The following AGBL4 variants were observed in gnomAD, a reference collection of about 807,000 sequenced individuals.
The protein encoded by AGBL4 is AGBL carboxypeptidase 4.
A neutral mutation model predicts 66.4 loss-of-function variants in AGBL4; 58 were observed. The ratio of observed to expected loss-of-function variants is 0.87; its 90% confidence interval spans 0.71 to 1.09. The LOEUF is 1.09. Ranked by LOEUF, AGBL4 falls within the 50% of genes least tolerant of loss-of-function variation. The pLI is 0.00. For missense variants in AGBL4, 579 were observed against 631.0 expected (o/e 0.92, Z 0.88); for synonymous variants, 234 against 222.9 (o/e 1.05, Z -0.44).
intron 3 of AGBL4, among the ~76,000 whole-genome samples, chr1:49,530,274 A>AAAAAAAAAAAAAC (rs1553221141): frequency 7.4e-6 from 1 of 134,824 alleles, no homozygotes; most frequent in African/African-American, 3.2e-5. Flanking sequence ...AAAAAAAAAC[A>AAAAAAAAAAAAAC]AAAAAAAACT....
intron 2 of AGBL4, among the ~76,000 whole-genome samples, chr1:49,740,554 T>G (rs1445830589): frequency 1.3e-5 from 2 of 152,178 alleles, no homozygotes; most frequent in African/African-American, 4.8e-5. Context: ...GCAGACCTAA[T>G]AGACACCTAC....
At chr1:48,976,786 A>G (rs1371314627) in intron 5 of AGBL4, among the ~76,000 whole-genome samples, 1 of 151,958 alleles carries the variant, frequency 6.6e-6, no homozygotes, top group African/African-American at 2.4e-5. Context: ...TTCCTCCTCA[A>G]CCTTTAGTCT....
At chr1:48,911,537 G>T (rs765785261) in intron 5 of AGBL4, among the ~76,000 whole-genome samples, 3 of 150,970 alleles carry the variant, frequency 2.0e-5, no homozygotes, top group Non-Finnish European at 2.9e-5. Flanking sequence ...GGAGAATGGC[G>T]TGAACCCGGG....
At chr1:49,814,368 C>T (rs969480437) in intron 2 of AGBL4, among the ~76,000 whole-genome samples, 9 of 152,102 alleles carry the variant, frequency 5.9e-5, no homozygotes, top group East Asian at 1.9e-4. Flanking sequence ...GTGTCTTGAA[C>T]GCTATCAGCC....
intron 4 of AGBL4, among the ~76,000 whole-genome samples, chr1:49,053,783 A>G (rs989498921): frequency 1.8e-4 from 27 of 152,152 alleles, no homozygotes; most frequent in Non-Finnish European, 2.9e-5. Flanking sequence ...TAACTATTAA[A>G]TTTCCATTTC....
chr1:49,840,503 T>A (rs2148038208), intron 2 of AGBL4, among the ~76,000 whole-genome samples: 1 of 152,254 alleles, frequency 6.6e-6, no homozygotes, highest in African/African-American at 2.4e-5. Context: ...GAGGGACTCC[T>A]CCCTAACTCA....
chr1:49,093,862 A>G (rs547910291), intron 4 of AGBL4, among the ~76,000 whole-genome samples: 1 of 152,296 alleles, frequency 6.6e-6, no homozygotes. Flanking sequence ...CTCTGCTTGA[A>G]TACATTTAGT....
chr1:49,035,244 A>G (rs766805602), intron 5 of AGBL4, among the ~76,000 whole-genome samples: 2 of 152,114 alleles, frequency 1.3e-5, no homozygotes, highest in Admixed American at 6.6e-5. Context: ...TTACCAGTGG[A>G]AGGTATCCAA....
At chr1:49,305,326 T>C (rs1644829804) in intron 3 of AGBL4, among the ~76,000 whole-genome samples, 1 of 152,188 alleles carries the variant, frequency 6.6e-6, no homozygotes, top group Admixed American at 6.6e-5. Flanking sequence ...GTATTAGTGG[T>C]TGATTGGTTC....
rs541201747 is a variant in AGBL4 at position 48,650,772 on chromosome 1, C to T, written c.839+2565G>A. On this transcript the variant is annotated intron_variant, in intron 8 of 13. Transcript: ENST00000371839. Reference sequence around the variant, plus strand: ...ACTGGTTACAGGGAGGATGTGGACCCCCTCTCACTTAACTTTGGGAAACAC... The same window carrying T: ...ACTGGTTACAGGGAGGATGTGGACCTCCTCTCACTTAACTTTGGGAAACAC... Among the ~76,000 whole-genome samples, 41 of 152,244 alleles carry T rather than the reference C, an allele frequency of 2.7e-4. 1 individual carries two copies. Among genetic ancestry groups the T allele is most frequent in the African/African-American group, 9.9e-4 (41 of 41,552 alleles).
chr1:49,690,429 T>G (rs1646865315), intron 3 of AGBL4, among the ~76,000 whole-genome samples: 3 of 152,164 alleles, frequency 2.0e-5, no homozygotes, highest in African/African-American at 7.2e-5. Context: ...ATTTTCCAAA[T>G]TTACTACAGT....
intron 9 of AGBL4, among the ~76,000 whole-genome samples, chr1:48,609,846 C>A (rs1369372029): frequency 6.6e-6 from 1 of 152,226 alleles, no homozygotes; most frequent in Non-Finnish European, 1.5e-5. Context: ...GCGTCGCTTC[C>A]TTTCAGAAGC....
At chr1:49,367,030 G>T (rs1644253288) in intron 3 of AGBL4, among the ~76,000 whole-genome samples, 2 of 152,202 alleles carry the variant, frequency 1.3e-5, no homozygotes, top group Non-Finnish European at 2.9e-5. Flanking sequence ...TGGCATGCAT[G>T]ATAACTTGCA....
chr1:49,434,640 A>C (rs925078837), intron 3 of AGBL4, among the ~76,000 whole-genome samples: 14 of 151,156 alleles, frequency 9.3e-5, no homozygotes, highest in African/African-American at 3.4e-4. Context: ...TATTCCAGCA[A>C]ATTGCTATCT....
intron 4 of AGBL4, among the ~76,000 whole-genome samples, chr1:49,180,075 A>G (rs561456734): frequency 1.3e-5 from 2 of 151,722 alleles, no homozygotes; most frequent in African/African-American, 4.8e-5. Flanking sequence ...CTAATTTTGT[A>G]TTTTTAGTAG....
intron 4 of AGBL4, among the ~76,000 whole-genome samples, chr1:49,086,458 C>T (rs1644908868): frequency 6.6e-6 from 1 of 152,026 alleles, no homozygotes; most frequent in African/African-American, 2.4e-5. Context: ...AGCTCAGTGG[C>T]CCCACTTCTG....
At chr1:49,382,767 A>C (rs1308191059) in intron 3 of AGBL4, among the ~76,000 whole-genome samples, 1 of 152,228 alleles carries the variant, frequency 6.6e-6, no homozygotes, top group Non-Finnish European at 1.5e-5. Context: ...AAAGACCTTA[A>C]GAGTTTCCAA....
At chr1:49,075,095 T>C (rs377464063) in intron 4 of AGBL4, among the ~76,000 whole-genome samples, 2 of 152,332 alleles carry the variant, frequency 1.3e-5, no homozygotes, top group East Asian at 3.9e-4. Context: ...TGGCCAAAAA[T>C]GACATTTTGT....
intron 3 of AGBL4, among the ~76,000 whole-genome samples, chr1:49,502,214 G>A (rs1648229645): frequency 6.6e-6 from 1 of 152,146 alleles, no homozygotes; most frequent in South Asian, 2.1e-4. Context: ...CAGACTGGAG[G>A]CTGCACTGTT....
Sources: allele counts gnomAD v4.1 joint callset (sites outside exome capture counted in the v4.1 genomes callset), GRCh38; gene constraint gnomAD v4.1.1; transcripts MANE v1.5; gene names NCBI Gene and HGNC (gene_info 2026-07-23, HGNC 2026-07-21).